The following CLEC1A variants were observed in gnomAD, a reference collection of about 807,000 sequenced individuals.
The protein encoded by CLEC1A is C-type lectin domain family 1 member A.
CLEC1A carries 34 observed loss-of-function variants against 28.7 expected under a neutral mutation model. The observed-to-expected ratio is 1.18, with a 90% CI of 0.90 to 1.57. The LOEUF (loss-of-function observed/expected upper bound fraction) is 1.57, where lower values mean the gene tolerates loss of function less well. CLEC1A is among the 40% of genes most tolerant of loss of function. CLEC1A has a pLI of 0.00. For missense variants in CLEC1A, 385 were observed against 339.5 expected, an observed-to-expected ratio of 1.13 and a Z score of -1.05; for synonymous variants, 116 against 121.0, an observed-to-expected ratio of 0.96 and a Z score of 0.27.
chr12:10,089,703 C>A (rs1460633550), intron 1 of CLEC1A, among the ~76,000 whole-genome samples: 1 of 151,846 alleles, frequency 6.6e-6, no homozygotes, highest in African/African-American at 2.4e-5. Context: ...TATGCTTTTT[C>A]TAAAAGGCAA....
intron 4 of CLEC1A, among the ~76,000 whole-genome samples, chr12:10,074,950 G>C (rs549647042): frequency 6.6e-6 from 1 of 152,248 alleles, no homozygotes; most frequent in South Asian, 2.1e-4. Context: ...AAATATGAGA[G>C]AAAGGGGAAT....
intron 2 of CLEC1A, among the ~76,000 whole-genome samples, 167 bp from the exon 3 acceptor site, chr12:10,081,580 C>T (rs1368118205): frequency 4.8e-5 from 1 of 20,848 alleles, no homozygotes; most frequent in East Asian, 3.7e-4. Flanking sequence ...GAAGTTGTAT[C>T]ACCTTGGGCA....
intron 2 of CLEC1A, among the ~76,000 whole-genome samples, chr12:10,084,821 C>CAAAAAAAAAAAAA (rs57574014): frequency 2.4e-5 from 2 of 83,762 alleles, no homozygotes; most frequent in Non-Finnish European, 4.8e-5. Flanking sequence ...GACTCTGTAT[C>CAAAAAAAAAAAAA]AAAAAAAAAA....
At chr12:10,090,864 A>G (rs1947693171) in intron 1 of CLEC1A, among the ~76,000 whole-genome samples, 2 of 152,162 alleles carry the variant, frequency 1.3e-5, no homozygotes, top group Admixed American at 1.3e-4. Flanking sequence ...CCCTACTTAA[A>G]AACTTCAAAA....
At chr12:10,083,812 A>G (rs1190301294) in intron 2 of CLEC1A, among the ~76,000 whole-genome samples, 1 of 152,206 alleles carries the variant, frequency 6.6e-6, no homozygotes, top group East Asian at 1.9e-4. Context: ...ATGGATTTAA[A>G]AAATTATCCA....
In CLEC1A at chr12:10,070,788, C is replaced by T. The variant is rs1866109332; in HGVS notation, c.*545G>A. The T allele has an allele frequency of 6.6e-6, 1 of 152,156 alleles. No individual in the cohort carries two copies. Among genetic ancestry groups the T allele is most frequent in the Non-Finnish European group, 1.5e-5 (1 of 68,046 alleles). 9.4% of individuals were successfully genotyped at this position (152,156 alleles called of 1,614,324 possible). A position where few individuals can be genotyped will look rare whatever the true frequency, so the allele number is the denominator to read the frequency against. ...GAGATTCTCATATCAAGTGACATCC[C>T]TGTTGGGAAACGGCATGGACAAGGC... is the stretch of plus-strand genomic sequence containing the variant. On this transcript the variant is annotated 3_prime_UTR_variant, in exon 6 of 6. Transcript: ENST00000315330.
chr12:10,085,565 C>A (rs920184962), intron 2 of CLEC1A, among the ~76,000 whole-genome samples: 6 of 146,742 alleles, frequency 4.1e-5, no homozygotes, highest in Non-Finnish European at 7.4e-5. Flanking sequence ...AAGACAAAGA[C>A]GGACATTATA....
intron 3 of CLEC1A, among the ~76,000 whole-genome samples, chr12:10,079,460 G>T (rs981110746): frequency 9.2e-5 from 14 of 152,052 alleles, no homozygotes; most frequent in African/African-American, 2.9e-4. Flanking sequence ...CTTTTTGTTT[G>T]TTTTTATATA....
chr12:10,076,466 G>A (rs913481432), intron 3 of CLEC1A, among the ~76,000 whole-genome samples: 1 of 152,062 alleles, frequency 6.6e-6, no homozygotes, highest in Non-Finnish European at 1.5e-5. Flanking sequence ...ATTTCATGAA[G>A]TAAAACAAAA....
intron 1 of CLEC1A, among the ~76,000 whole-genome samples, chr12:10,097,073 C>G (rs1006609092): frequency 6.6e-6 from 1 of 152,098 alleles, no homozygotes; most frequent in African/African-American, 2.4e-5. Context: ...TAACATGACC[C>G]CAAACATAAG....
intron 5 of CLEC1A, among the ~76,000 whole-genome samples, chr12:10,071,968 G>C: frequency 6.6e-6 from 1 of 152,310 alleles, no homozygotes; most frequent in East Asian, 1.9e-4. Flanking sequence ...CTCTTTCAAA[G>C]GATACTGATG....
chr12:10,095,074 C>A (rs1042808692), intron 1 of CLEC1A, among the ~76,000 whole-genome samples: 6 of 152,094 alleles, frequency 3.9e-5, no homozygotes, highest in African/African-American at 2.4e-5. Flanking sequence ...CTTCTCTAAG[C>A]ACCTGAAAAA....
At chr12:10,072,487 T>A (rs1359912754) in intron 5 of CLEC1A, among the ~76,000 whole-genome samples, 1 of 152,254 alleles carries the variant, frequency 6.6e-6, no homozygotes, top group Non-Finnish European at 1.5e-5. Context: ...TCAGAGATTG[T>A]GTTTTTTAAA....
intron 2 of CLEC1A, 34 bp downstream of exon 2, chr12:10,089,090 C>T (rs1431969107): frequency 9.3e-6 from 14 of 1,512,144 alleles, no homozygotes; most frequent in African/African-American, 1.4e-5. Context: ...ACCTTGGAAC[C>T]AGGATCCTCC....
intron 3 of CLEC1A, among the ~76,000 whole-genome samples, chr12:10,080,666 C>G (rs905424895): frequency 6.6e-6 from 1 of 152,190 alleles, no homozygotes. Context: ...TAGGAATACA[C>G]ATGCACTCAC....
At position 10,071,477 on chromosome 12, in the gene CLEC1A, G is replaced by T. The variant is rs1565597103; in HGVS notation, c.699C>A (p.Ser233Arg). 3.1e-6 allele frequency: 5 copies of T among 1,612,660 alleles called. No individual in the cohort carries two copies. The highest frequency in any genetic ancestry group is 4.2e-6 in the Non-Finnish European group (5 of 1,179,230). The change falls in exon 6 of 6, where the codon AGC becomes AGA. Residue 233 changes from serine (S) to arginine (R), a missense_variant. Transcript: ENST00000315330. ...HIIIDVTSPRSRDCVAILNGM... is the reference protein window; with the variant it reads ...HIIIDVTSPRRRDCVAILNGM... ...CATTAAGGATGGCCACACAGTCTCTGCTTCTTGGGCTGGTGACATCTATTA... is the reference window on the plus strand; with the variant it reads ...CATTAAGGATGGCCACACAGTCTCTTCTTCTTGGGCTGGTGACATCTATTA...
At chr12:10,072,995 G>A (rs1037201915) in intron 5 of CLEC1A, among the ~76,000 whole-genome samples, 11 of 152,128 alleles carry the variant, frequency 7.2e-5, no homozygotes, top group Admixed American at 5.9e-4. Context: ...TGAGAGGAGA[G>A]CTTGAGCCTG....
intron 2 of CLEC1A, among the ~76,000 whole-genome samples, chr12:10,083,522 G>A (rs576985599): frequency 1.8e-4 from 27 of 152,294 alleles, no homozygotes; most frequent in South Asian, 6.2e-4. Flanking sequence ...AGGCTGGAAC[G>A]CAGTAGTGTG....
At chr12:10,091,401 G>GT (rs146151164) in intron 1 of CLEC1A, among the ~76,000 whole-genome samples, 12,716 of 151,686 alleles carry the variant, frequency 0.084, 1,461 homozygotes, top group African/African-American at 0.26. Flanking sequence ...TTTTGTTTTT[G>GT]TTTTTTTTGT....
Sources: gnomAD v4.1 joint callset for allele counts (sites outside exome capture counted in the v4.1 genomes callset) on GRCh38, gnomAD v4.1.1 for gene constraint, MANE v1.5 for transcripts, NCBI Gene and HGNC (gene_info 2026-07-23, HGNC 2026-07-21) for gene names.